ST3GAL5: variants seen among roughly 807,000 people sequenced by gnomAD.
The protein encoded by ST3GAL5 is lactosylceramide alpha-2,3-sialyltransferase.
ST3GAL5 carries 25 observed loss-of-function variants against 46.1 expected under a neutral mutation model. The ratio of observed to expected loss-of-function variants is 0.54; its 90% CI spans 0.40 to 0.76. The LOEUF (loss-of-function observed/expected upper bound fraction) is 0.76, where lower values mean the gene tolerates loss of function less well. Ranked by LOEUF, ST3GAL5 falls within the 30% of genes least tolerant of loss-of-function variation. The probability of loss-of-function intolerance (pLI) is 0.00; values close to 1 mark genes in which losing one functional copy is unlikely to be tolerated. For synonymous variants in ST3GAL5, 182 were observed against 192.7 expected, an observed-to-expected ratio of 0.94 and a Z score of 0.46; for missense variants, 431 against 521.2, an observed-to-expected ratio of 0.83 and a Z score of 1.69.
chr2:85,878,149 A>G (rs1274606376), intron 1 of ST3GAL5, among the ~76,000 whole-genome samples: 1 of 152,242 alleles, frequency 6.6e-6, no homozygotes, highest in Non-Finnish European at 1.5e-5. Context: ...AGCTACATTT[A>G]AAAACAAGAA....
intron 4 of ST3GAL5, chr2:85,846,877 T>C (rs1682854445): frequency 3.4e-6 from 1 of 295,444 alleles, no homozygotes; most frequent in South Asian, 5.0e-5. Context: ...CTCAGAAATT[T>C]TCCATTGTGC....
intron 6 of ST3GAL5, among the ~76,000 whole-genome samples, chr2:85,841,873 T>C (rs576842445): frequency 2.5e-4 from 38 of 152,178 alleles, no homozygotes; most frequent in Non-Finnish European, 5.0e-4. Context: ...CAGGGAGGAA[T>C]ACAGAAGGCC....
At chr2:85,886,574 G>A (rs1365823679) in intron 1 of ST3GAL5, among the ~76,000 whole-genome samples, 1 of 152,086 alleles carries the variant, frequency 6.6e-6, no homozygotes, top group Non-Finnish European at 1.5e-5. Flanking sequence ...AGTTTTGTCT[G>A]TCTGGTGTCC....
rs1309418941 is a variant in ST3GAL5 at position 85,838,748 on chromosome 2, G to C, written c.*1396C>G. On this transcript the variant is annotated 3_prime_UTR_variant, in exon 7 of 7. Coordinates refer to ENST00000638572, the MANE Select transcript of ST3GAL5 (RefSeq NM_003896.4). ...AGACGTTCGAATGGGCTGGGGCCAAGGCTGCACTGGGGCTGCACAAGCAGT... is the reference window on the plus strand; with the variant it reads ...AGACGTTCGAATGGGCTGGGGCCAACGCTGCACTGGGGCTGCACAAGCAGT... 1 of 152,716 alleles carries C rather than the reference G, an allele frequency of 6.5e-6. No individual in the cohort carries two copies. Among genetic ancestry groups the C allele is most frequent in the African/African-American group, 2.4e-5 (1 of 41,470 alleles). The allele number at this position is 152,716 out of a possible 1,614,324, so 9.5% of individuals were successfully genotyped here.
At chr2:85,846,253 T>G in intron 5 of ST3GAL5, 124 bp downstream of exon 5, 1 of 884,654 alleles carries the variant, frequency 1.1e-6, no homozygotes. Context: ...GATCATCATT[T>G]GAAAGACAAC....
At chr2:85,873,299 C>T (rs1430341705) in intron 1 of ST3GAL5, among the ~76,000 whole-genome samples, 1 of 152,154 alleles carries the variant, frequency 6.6e-6, no homozygotes, top group Non-Finnish European at 1.5e-5. Context: ...CCCAGGCCTA[C>T]TCTCTTCATC....
intron 1 of ST3GAL5, among the ~76,000 whole-genome samples, chr2:85,884,784 G>T (rs973134218): frequency 1.3e-5 from 2 of 152,214 alleles, no homozygotes; most frequent in African/African-American, 4.8e-5. Flanking sequence ...AACGACACGT[G>T]TAACAGAAAA....
At chr2:85,869,816 T>C (rs1282346599) in intron 1 of ST3GAL5, among the ~76,000 whole-genome samples, 3 of 152,278 alleles carry the variant, frequency 2.0e-5, no homozygotes, top group African/African-American at 7.2e-5. Flanking sequence ...GGACAAAGGA[T>C]GACAGAGGCC....
intron 2 of ST3GAL5, among the ~76,000 whole-genome samples, 170 bp downstream of exon 2, chr2:85,863,192 G>A (rs1367250696): frequency 6.6e-6 from 1 of 152,222 alleles, no homozygotes; most frequent in African/African-American, 2.4e-5. Flanking sequence ...GCTCACTCCG[G>A]CTGTGCACTC....
intron 3 of ST3GAL5, among the ~76,000 whole-genome samples, chr2:85,857,536 C>CAAAAAAAA (rs369873432): frequency 1.4e-5 from 1 of 73,384 alleles, no homozygotes; most frequent in African/African-American, 5.3e-5. Context: ...GACTCCGTCT[C>CAAAAAAAA]AAAAAAAAAA....
chr2:85,840,308 G>A lies in ST3GAL5; in HGVS notation c.1093C>T (p.Leu365Phe), dbSNP rs775647232. 3.1e-6 allele frequency: 5 copies of A among 1,613,858 alleles called. No homozygotes were observed. Among genetic ancestry groups the A allele is most frequent in the Admixed American group, 3.3e-5 (2 of 60,008 alleles). Residue 365 changes from leucine (L) to phenylalanine (F), a missense_variant, in exon 7 of 7, where the codon CTC becomes TTC. By Grantham distance (22) the Leu-to-Phe change is conservative. Transcript: ENST00000638572. ...TGCAAAGGTGTTCTGGGTTGATTGAGGTCATATCCAAAACCCGCCAAACTG... is the reference window on the plus strand; with the variant it reads ...TGCAAAGGTGTTCTGGGTTGATTGAAGTCATATCCAAAACCCGCCAAACTG... ...EVSLAGFGYD[L>F]NQPRTPLHYF...
intron 1 of ST3GAL5, among the ~76,000 whole-genome samples, chr2:85,866,971 A>G (rs1685353213): frequency 6.6e-6 from 1 of 152,236 alleles, no homozygotes; most frequent in Non-Finnish European, 1.5e-5. Context: ...GAATGTTAAC[A>G]GAAATTATAA....
At chr2:85,878,119 C>T (rs1047457960) in intron 1 of ST3GAL5, among the ~76,000 whole-genome samples, 10 of 152,186 alleles carry the variant, frequency 6.6e-5, no homozygotes, top group African/African-American at 2.4e-4. Flanking sequence ...ATTCCCAGCT[C>T]ACTGTGGCAC....
intron 3 of ST3GAL5, chr2:85,852,836 A>T (rs1225798705): frequency 2.3e-6 from 3 of 1,284,562 alleles, no homozygotes; most frequent in Non-Finnish European, 3.1e-6. Context: ...ATTTCTCCCT[A>T]GGTCGAGGCT....
chr2:85,869,779 C>T (rs1263418453), intron 1 of ST3GAL5, among the ~76,000 whole-genome samples: 1 of 152,154 alleles, frequency 6.6e-6, no homozygotes, highest in Non-Finnish European at 1.5e-5. Flanking sequence ...CACTGGGCTT[C>T]CAAAGAGATG....
chr2:85,870,792 T>C (rs976629457), intron 1 of ST3GAL5, among the ~76,000 whole-genome samples: 1 of 151,980 alleles, frequency 6.6e-6, no homozygotes, highest in Non-Finnish European at 1.5e-5. Flanking sequence ...TTCTCTTGCC[T>C]AAACCTCCCA....
chr2:85,846,748 A>AT, intron 4 of ST3GAL5, 185 bp from the exon 5 acceptor site: 5 of 605,422 alleles, frequency 8.3e-6, no homozygotes, highest in Non-Finnish European at 1.5e-5. Context: ...AGCCTTTAGT[A>AT]CTTGAGCGAA....
intron 2 of ST3GAL5, among the ~76,000 whole-genome samples, 187 bp from the exon 3 acceptor site, chr2:85,861,479 T>G (rs1264575232): frequency 6.6e-6 from 1 of 152,096 alleles, no homozygotes; most frequent in African/African-American, 2.4e-5. Flanking sequence ...ACTAGTCATT[T>G]ATGACTGTCT....
At chr2:85,862,923 T>A (rs1277217756) in intron 2 of ST3GAL5, among the ~76,000 whole-genome samples, 1 of 152,206 alleles carries the variant, frequency 6.6e-6, no homozygotes, top group East Asian at 1.9e-4. Context: ...CTTATTAGGA[T>A]ATAAGGGTGA....
Sources: allele counts gnomAD v4.1 joint callset (sites outside exome capture counted in the v4.1 genomes callset), GRCh38; gene constraint gnomAD v4.1.1; transcripts MANE v1.5; gene names NCBI Gene and HGNC (gene_info 2026-07-23, HGNC 2026-07-21).